Variants in FBXW11 observed in about 807,000 individuals in gnomAD.
FBXW11 encodes the protein F-box/WD repeat-containing protein 11.
A neutral mutation model predicts 77.6 loss-of-function variants in FBXW11; 19 were observed. The observed-to-expected ratio is 0.24, with a 90% confidence interval of 0.17 to 0.36. The LOEUF (loss-of-function observed/expected upper bound fraction) is 0.36. FBXW11 is among the 10% of genes least tolerant of loss of function. The pLI is 1.00. For missense variants in FBXW11, 334 were observed against 704.2 expected (o/e 0.47, Z 5.95); for synonymous variants, 235 against 249.4 (o/e 0.94, Z 0.54).
chr5:171,920,852 G>C (rs186347960), intron 2 of FBXW11, among the ~76,000 whole-genome samples: 1 of 151,840 alleles, frequency 6.6e-6, no homozygotes, highest in Non-Finnish European at 1.5e-5. Flanking sequence ...AAAAGTCTTC[G>C]CCCTGGGAAA....
At chr5:171,913,452 A>T (rs1187266999) in intron 3 of FBXW11, among the ~76,000 whole-genome samples, 1 of 152,218 alleles carries the variant, frequency 6.6e-6, no homozygotes, top group Non-Finnish European at 1.5e-5. Context: ...TGGAGGGTAC[A>T]AAACTCAGTC....
intron 1 of FBXW11, among the ~76,000 whole-genome samples, chr5:171,981,616 A>T (rs1362719883): frequency 6.6e-6 from 1 of 152,226 alleles, no homozygotes; most frequent in Non-Finnish European, 1.5e-5. Context: ...GAAACAAAAA[A>T]CATTTGGAGT....
chr5:171,934,567 C>G (rs957623169), intron 2 of FBXW11, among the ~76,000 whole-genome samples: 2 of 151,214 alleles, frequency 1.3e-5, no homozygotes, highest in Non-Finnish European at 2.9e-5. Flanking sequence ...GTTACAGCTA[C>G]TTGGGAGGCT....
In FBXW11 at chr5:171,991,302, G is replaced by A. The variant is rs187757495; in HGVS notation, c.45+15156C>T. The stretch of plus-strand genomic sequence containing the variant: ...TTAGGGTCTGAAGTGAATATGTAAG[G>A]TGAAAATAGCATACGACAAAAATAT... On this transcript the variant is annotated intron_variant, in intron 1 of 13. Coordinates refer to ENST00000517395, the MANE Select transcript of FBXW11 (RefSeq NM_001378974.1). 1.5e-3 allele frequency among the ~76,000 whole-genome samples: 227 copies of A among 152,244 alleles called. 1 individual carries two copies. The highest frequency in any genetic ancestry group is 5.3e-3 in the African/African-American group (220 of 41,526).
chr5:171,899,264 TC>T (rs1276539800), intron 5 of FBXW11, among the ~76,000 whole-genome samples, 170 bp from the exon 6 acceptor site: 1 of 152,212 alleles, frequency 6.6e-6, no homozygotes, highest in East Asian at 1.9e-4. Flanking sequence ...CAAGTTTAGC[TC>T]AATTCACAGC....
intron 5 of FBXW11, 90 bp from the exon 6 acceptor site, chr5:171,899,184 A>G (rs1759949019): frequency 1.2e-6 from 1 of 812,908 alleles, no homozygotes; most frequent in Non-Finnish European, 1.9e-6. Context: ...TATATCTTTC[A>G]TGTCTTTTAA....
In FBXW11 at chr5:171,873,115, T is replaced by C. The variant is rs1355075950; in HGVS notation, c.1222-125A>G. The C allele has an allele frequency of 7.6e-6, 6 of 792,890 alleles. No individual in the cohort carries two copies. The East Asian group carries it at 1.6e-4, about 22-fold the overall frequency. 49.1% of individuals were successfully genotyped at this position (792,890 alleles called of 1,614,324 possible). A position where few individuals can be genotyped will look rare whatever the true frequency, so the allele number is the denominator to read the frequency against. ...TATGTGATTATAAAATACGGTGTCC[T>C]CTAACTCAAAGTTGGGAGGCTGGGG... On this transcript the variant is annotated intron_variant, in intron 9 of 13. Coordinates refer to ENST00000517395, the MANE Select transcript of FBXW11 (RefSeq NM_001378974.1).
At chr5:171,963,207 A>G (rs938351195) in intron 1 of FBXW11, among the ~76,000 whole-genome samples, 2 of 151,578 alleles carry the variant, frequency 1.3e-5, no homozygotes, top group Non-Finnish European at 2.9e-5. Context: ...ACACACACAC[A>G]TATATATATA....
intron 1 of FBXW11, among the ~76,000 whole-genome samples, chr5:171,992,292 T>A (rs72835286): frequency 2.0e-5 from 3 of 150,620 alleles, no homozygotes; most frequent in African/African-American, 7.3e-5. Context: ...GCCGGGTGGG[T>A]TGGCATGTGC....
chr5:171,959,274 G>A (rs998345210), intron 1 of FBXW11, among the ~76,000 whole-genome samples: 1 of 151,892 alleles, frequency 6.6e-6, no homozygotes, highest in Non-Finnish European at 1.5e-5. Context: ...CACAAATTTT[G>A]TTGCCTCAAC....
At chr5:171,999,358 T>G (rs1023231300) in intron 1 of FBXW11, among the ~76,000 whole-genome samples, 1 of 151,212 alleles carries the variant, frequency 6.6e-6, no homozygotes, top group African/African-American at 2.5e-5. Context: ...TTTTCCCCTG[T>G]ACTAGTGAGT....
chr5:171,937,354 T>C (rs1385396426), intron 2 of FBXW11, among the ~76,000 whole-genome samples: 3 of 152,140 alleles, frequency 2.0e-5, no homozygotes, highest in Non-Finnish European at 4.4e-5. Context: ...AGCACATGAA[T>C]ACACAAATAC....
intron 1 of FBXW11, among the ~76,000 whole-genome samples, chr5:171,971,276 A>C (rs1293431407): frequency 6.6e-6 from 1 of 152,184 alleles, no homozygotes; most frequent in East Asian, 1.9e-4. Context: ...TGTACACATG[A>C]ATATGGACAG....
In FBXW11 at chr5:171,891,576, C is replaced by A. The variant is rs745819881; in HGVS notation, c.743G>T (p.Arg248Leu). Reference sequence around the variant, plus strand: ...GCACTGAATCCTCTGCAAGTTGTGTCGTCCACACCGCCAGTTAGATTCTAT... The same window carrying A: ...GCACTGAATCCTCTGCAAGTTGTGTAGTCCACACCGCCAGTTAGATTCTAT... ...ETIESNWRCG[R>L]HNLQRIQCRS... The change falls in exon 7 of 14, where the codon CGA becomes CTA. Residue 248 changes from arginine (R) to leucine (L), a missense_variant. Around this residue, in one of 10 missense-constraint regions of FBXW11, gnomAD observed 70 missense variants for 136.6 expected, o/e 0.51. Coordinates refer to ENST00000517395, the MANE Select transcript of FBXW11 (RefSeq NM_001378974.1). The A allele has an allele frequency of 6.2e-7, 1 of 1,609,544 alleles. No homozygotes were observed.
intron 2 of FBXW11, among the ~76,000 whole-genome samples, chr5:171,936,109 T>TAAAAAAAAAA (rs61349170): frequency 8.4e-5 from 5 of 59,332 alleles, no homozygotes; most frequent in African/African-American, 2.0e-4. Context: ...AGACTCCATC[T>TAAAAAAAAAA]AAAAAAAAAA....
chr5:171,933,773 A>T (rs917634628), intron 2 of FBXW11, among the ~76,000 whole-genome samples: 1 of 152,236 alleles, frequency 6.6e-6, no homozygotes, highest in Non-Finnish European at 1.5e-5. Context: ...TTAAGCTAGG[A>T]ATCTTATCAA....
chr5:171,981,262 G>A (rs1765130287), intron 1 of FBXW11, among the ~76,000 whole-genome samples: 1 of 152,262 alleles, frequency 6.6e-6, no homozygotes, highest in South Asian at 2.1e-4. Context: ...CCTGCACCCA[G>A]GACCCTTCTA....
intron 1 of FBXW11, among the ~76,000 whole-genome samples, chr5:171,967,577 T>C (rs1764259728): frequency 6.6e-6 from 1 of 152,094 alleles, no homozygotes; most frequent in African/African-American, 2.4e-5. Flanking sequence ...TGGTGGCTCA[T>C]GCCTGTAATC....
intron 2 of FBXW11, among the ~76,000 whole-genome samples, chr5:171,930,314 A>G (rs1042391203): frequency 6.6e-6 from 1 of 152,228 alleles, no homozygotes; most frequent in Non-Finnish European, 1.5e-5. Context: ...CCTACAGCTA[A>G]CATCATACGT....
Sources: allele counts gnomAD v4.1 joint callset (sites outside exome capture counted in the v4.1 genomes callset), GRCh38; gene constraint gnomAD v4.1.1; regional missense constraint gnomAD v4.1.1; transcripts MANE v1.5; gene names NCBI Gene and HGNC (gene_info 2026-07-23, HGNC 2026-07-21).